SP6: variants seen among roughly 807,000 people sequenced by gnomAD.
The protein encoded by SP6 is transcription factor Sp6.
In SP6, 10 loss-of-function variants were observed where a neutral mutation model predicts 23.4. The observed-to-expected ratio is 0.43, with a 90% confidence interval of 0.26 to 0.72. The LOEUF (loss-of-function observed/expected upper bound fraction) is 0.72, where lower values mean the gene tolerates loss of function less well. Ranked by LOEUF, SP6 falls within the 30% of genes least tolerant of loss-of-function variation. The pLI is 0.23. For synonymous variants in SP6, 238 were observed against 238.7 expected, an observed-to-expected ratio of 1.00 and a Z score of 0.03; for missense variants, 482 against 523.8, an observed-to-expected ratio of 0.92 and a Z score of 0.78.
At chr17:47,858,079 C>G (rs566044182), upstream of SP6, among the ~76,000 whole-genome samples, 14 of 152,246 alleles carry the variant, frequency 9.2e-5, no homozygotes, top group African/African-American at 3.4e-4. Flanking sequence ...CCTCTGCCCT[C>G]GCCTCTCGGT....
the SP6 span, among the ~76,000 whole-genome samples, chr17:47,867,269 C>T: frequency 1.3e-5 from 2 of 152,096 alleles, no homozygotes; most frequent in Admixed American, 6.5e-5. Flanking sequence ...CAGAGACAGG[C>T]GGGGTCAGAA....
At chr17:47,850,397 G>A (rs1252877706) in intron 1 of SP6, among the ~76,000 whole-genome samples, 1 of 152,118 alleles carries the variant, frequency 6.6e-6, no homozygotes, top group East Asian at 1.9e-4. Flanking sequence ...ATAGAGGAGG[G>A]GGCAGGTCTT....
At chr17:47,865,578 T>C in the SP6 span, among the ~76,000 whole-genome samples, 9 of 152,208 alleles carry the variant, frequency 5.9e-5, no homozygotes, top group East Asian at 1.7e-3. Flanking sequence ...CCCAGAGAAG[T>C]TAAGAGACTT....
the SP6 span, among the ~76,000 whole-genome samples, chr17:47,868,752 C>T: frequency 3.3e-5 from 5 of 152,158 alleles, no homozygotes; most frequent in East Asian, 1.9e-4. Flanking sequence ...GAGGCTGCCA[C>T]GGAGCTTTGG....
the SP6 span, among the ~76,000 whole-genome samples, chr17:47,871,621 CT>C: frequency 3.4e-3 from 478 of 142,324 alleles, no homozygotes; most frequent in Admixed American, 4.0e-3. Context: ...CTGTTTCTTT[CT>C]TTTTTTTTTT....
chr17:47,858,767 C>CTTTTTTTTTTTTTTTTTTTTTTT (rs36092685), upstream of SP6, among the ~76,000 whole-genome samples: 5 of 92,648 alleles, frequency 5.4e-5, 2 homozygotes, highest in African/African-American at 1.3e-4. Context: ...GATGAAGCAT[C>CTTTTTTTTTTTTTTTTTTTTTTT]TTTTTTTTTT....
the SP6 span, among the ~76,000 whole-genome samples, chr17:47,869,892 G>T: frequency 2.6e-5 from 4 of 152,154 alleles, no homozygotes; most frequent in Admixed American, 6.6e-5. Context: ...GCATTTCATA[G>T]TTCAATAAAC....
upstream of SP6, among the ~76,000 whole-genome samples, chr17:47,858,389 T>C (rs2034013076): frequency 6.6e-6 from 1 of 152,156 alleles, no homozygotes; most frequent in Non-Finnish European, 1.5e-5. Context: ...TGCATGTAGT[T>C]CTCTGATTTT....
At chr17:47,874,369 A>G in the SP6 span, among the ~76,000 whole-genome samples, 1 of 151,978 alleles carries the variant, frequency 6.6e-6, no homozygotes, top group African/African-American at 2.4e-5. Context: ...GGGATTACAG[A>G]TGTAAGCCAC....
the SP6 span, among the ~76,000 whole-genome samples, chr17:47,870,723 C>A: frequency 4.6e-5 from 7 of 152,228 alleles, no homozygotes; most frequent in African/African-American, 1.7e-4. Flanking sequence ...GGGAAGGGAT[C>A]CTAAACATCC....
the SP6 span, among the ~76,000 whole-genome samples, chr17:47,875,619 G>A: frequency 6.6e-6 from 1 of 152,356 alleles, no homozygotes; most frequent in South Asian, 2.1e-4. Flanking sequence ...ACGCTGGATG[G>A]CCCTGATGCC....
chr17:47,864,206 T>G, the SP6 span, among the ~76,000 whole-genome samples: 3 of 152,052 alleles, frequency 2.0e-5, no homozygotes, highest in Non-Finnish European at 4.4e-5. Flanking sequence ...CATTCCATTC[T>G]GTCCACCTCT....
At chr17:47,858,767 C>CTT (rs36092685), upstream of SP6, among the ~76,000 whole-genome samples, 510 of 92,662 alleles carry the variant, frequency 5.5e-3, 81 homozygotes, top group Non-Finnish European at 6.2e-3. Flanking sequence ...GATGAAGCAT[C>CTT]TTTTTTTTTT....
chr17:47,847,098 CCAGT>C lies in SP6; in HGVS notation c.*197_*200del. The C allele has an allele frequency of 1.7e-6, 1 of 605,918 alleles. No homozygotes were observed. Among genetic ancestry groups the C allele is most frequent in the Non-Finnish European group, 2.9e-6 (1 of 349,320 alleles). The allele number at this position is 605,918 out of a possible 1,614,324, so 37.5% of individuals were successfully genotyped here. ...GGGGCATTGCGCAGCTCCTACCGAC[CCAGT>C]CAAATTCATCCTGCCTAGTAGCCCC... is the stretch of plus-strand genomic sequence containing the variant. On this transcript the variant is annotated 3_prime_UTR_variant, in exon 2 of 2. Transcript: ENST00000536300.
chr17:47,854,388 A>T (rs555252835), upstream of SP6, among the ~76,000 whole-genome samples: 2 of 152,356 alleles, frequency 1.3e-5, no homozygotes, highest in African/African-American at 4.8e-5. Flanking sequence ...AAGAAGTTAA[A>T]TGATCTACCC....
At chr17:47,858,010 A>G (rs1271239093), upstream of SP6, among the ~76,000 whole-genome samples, 1 of 147,666 alleles carries the variant, frequency 6.8e-6, no homozygotes, top group Non-Finnish European at 1.5e-5. Flanking sequence ...TGCACCTTCC[A>G]GGTGGCTCCT....
intron 1 of SP6, among the ~76,000 whole-genome samples, chr17:47,849,111 C>T (rs1196036607): frequency 6.6e-6 from 1 of 152,180 alleles, no homozygotes; most frequent in Non-Finnish European, 1.5e-5. Context: ...AACCGACTCA[C>T]ATGCCCCCAC....
At chr17:47,861,275 G>A in the SP6 span, among the ~76,000 whole-genome samples, 1 of 152,284 alleles carries the variant, frequency 6.6e-6, no homozygotes, top group Non-Finnish European at 1.5e-5. Flanking sequence ...TCTGGCCGGG[G>A]TGGGGGCCTG....
chr17:47,873,850 C>A, the SP6 span, among the ~76,000 whole-genome samples: 74 of 139,034 alleles, frequency 5.3e-4, 4 homozygotes, highest in East Asian at 6.2e-3. Context: ...TTGCTTTCCT[C>A]CTCCTCCTCC....
Sources: gnomAD v4.1 joint callset for allele counts (sites outside exome capture counted in the v4.1 genomes callset) on GRCh38, gnomAD v4.1.1 for gene constraint, MANE v1.5 for transcripts, NCBI Gene and HGNC (gene_info 2026-07-23, HGNC 2026-07-21) for gene names.